The following SCP2 variants were observed in gnomAD, a reference collection of about 807,000 sequenced individuals.
SCP2 encodes the protein sterol carrier protein 2.
A neutral mutation model predicts 71.4 loss-of-function variants in SCP2; 48 were observed. The ratio of observed to expected loss-of-function variants is 0.67; its 90% CI spans 0.53 to 0.86. The LOEUF is 0.86. Ranked by LOEUF, SCP2 falls within the 40% of genes least tolerant of loss-of-function variation. The probability of loss-of-function intolerance (pLI) is 0.00; values close to 1 mark genes in which losing one functional copy is unlikely to be tolerated. For missense variants in SCP2, 560 were observed against 655.6 expected (o/e 0.85, Z 1.59); for synonymous variants, 220 against 218.1 (o/e 1.01, Z -0.08).
At chr1:52,939,660 G>T (rs1654042074) in intron 1 of SCP2, among the ~76,000 whole-genome samples, 1 of 152,136 alleles carries the variant, frequency 6.6e-6, no homozygotes, top group South Asian at 2.1e-4. Flanking sequence ...TATGTGTATT[G>T]TGTGTGCTTT....
chr1:53,035,957 T>C (rs574500812), intron 13 of SCP2, among the ~76,000 whole-genome samples: 2 of 148,964 alleles, frequency 1.3e-5, no homozygotes, highest in Admixed American at 1.3e-4. Flanking sequence ...GAGGCGGAGC[T>C]TGCAGTGAGC....
chr1:53,031,270 T>C (rs1373540099), intron 13 of SCP2, among the ~76,000 whole-genome samples: 3 of 152,254 alleles, frequency 2.0e-5, no homozygotes, highest in Admixed American at 6.5e-5. Context: ...AGTATTCTTT[T>C]AGCTTTGCAA....
chr1:52,989,943 G>A (rs1363811660), intron 11 of SCP2, among the ~76,000 whole-genome samples: 1 of 152,112 alleles, frequency 6.6e-6, no homozygotes, highest in Non-Finnish European at 1.5e-5. Context: ...CTAAACTTGG[G>A]GCTCTGCACA....
intron 6 of SCP2, among the ~76,000 whole-genome samples, chr1:52,970,333 A>G (rs1032621238): frequency 6.6e-6 from 1 of 152,140 alleles, no homozygotes; most frequent in South Asian, 2.1e-4. Context: ...CACCACAGCC[A>G]CAAACCCCTG....
At chr1:53,029,245 A>G (rs1430911179) in intron 13 of SCP2, among the ~76,000 whole-genome samples, 2 of 151,608 alleles carry the variant, frequency 1.3e-5, no homozygotes, top group African/African-American at 4.9e-5. Context: ...TAAACTTAGA[A>G]GAATCTTGGG....
intron 2 of SCP2, among the ~76,000 whole-genome samples, chr1:52,946,731 TA>T (rs1397496955): frequency 6.8e-6 from 1 of 147,788 alleles, no homozygotes; most frequent in African/African-American, 2.5e-5. Context: ...CTTTGTGAAT[TA>T]AAAAAATTTC....
At chr1:52,947,061 G>A (rs12239062) in intron 2 of SCP2, among the ~76,000 whole-genome samples, 2,666 of 76,818 alleles carry the variant, frequency 0.035, 95 homozygotes, top group African/African-American at 0.11. Flanking sequence ...ACTCTGTCTC[G>A]AAAAAAAAAA....
chr1:53,002,787 G>A (rs150072406), intron 11 of SCP2, among the ~76,000 whole-genome samples: 15 of 152,198 alleles, frequency 9.9e-5, no homozygotes, highest in Non-Finnish European at 1.8e-4. Flanking sequence ...AAACTTCTTA[G>A]GTCTTAAGAA....
At chr1:52,950,163 C>A (rs1655163167) in intron 3 of SCP2, among the ~76,000 whole-genome samples, 1 of 151,806 alleles carries the variant, frequency 6.6e-6, no homozygotes, top group Non-Finnish European at 1.5e-5. Flanking sequence ...TCTCTGTCGC[C>A]CAGGCTGGAG....
chr1:52,950,753 A>G lies in SCP2; in HGVS notation c.200-2A>G, dbSNP rs1655214719. On this transcript the variant is annotated splice_acceptor_variant, in intron 3 of 15. Transcript: ENST00000371514. LOFTEE classifies it high-confidence loss of function. ...TATTAAAATTTTTGTTTTTCTATTC[A>G]GGTGACTCTACCTGTGGGCAGAGGG... 4 of 1,613,312 alleles carry G rather than the reference A, an allele frequency of 2.5e-6. No individual in the cohort carries two copies. The highest frequency in any genetic ancestry group is 3.4e-6 in the Non-Finnish European group (4 of 1,179,358).
At chr1:53,042,002 G>A (rs780703041) in intron 14 of SCP2, among the ~76,000 whole-genome samples, 1 of 152,178 alleles carries the variant, frequency 6.6e-6, no homozygotes, top group Middle Eastern at 3.2e-3. Context: ...GTGCACGGTT[G>A]AATAAGGGAT....
intron 13 of SCP2, among the ~76,000 whole-genome samples, chr1:53,034,090 C>T (rs1335751340): frequency 6.6e-6 from 1 of 151,992 alleles, no homozygotes; most frequent in African/African-American, 2.4e-5. Context: ...ATGGTAAAAC[C>T]CCATCTCTAC....
chr1:52,968,381 C>T (rs1054878986), intron 6 of SCP2, among the ~76,000 whole-genome samples: 8 of 151,442 alleles, frequency 5.3e-5, no homozygotes, highest in South Asian at 2.1e-4. Flanking sequence ...TATTCTTTAC[C>T]CTCATTCATT....
rs1033094856 is a variant in SCP2 at position 52,980,486 on chromosome 1, G to A, written c.916G>A (p.Asp306Asn). Residue 306 changes from aspartate (D) to asparagine (N), a missense_variant, in exon 10 of 16, where the codon GAT becomes AAT. Physicochemically the swap from Asp to Asn is conservative, Grantham distance 23 (BLOSUM62 1). Coordinates refer to ENST00000371514, the MANE Select transcript of SCP2 (RefSeq NM_002979.5). Reference protein sequence around the residue: ...PNDIDVIELHDCFSTNELLTY... With the variant: ...PNDIDVIELHNCFSTNELLTY... ...TGATATTGACGTAATAGAACTTCAC[G>A]ATTGCTTTTCTACCAACGAACTCCT... The A allele has an allele frequency of 1.1e-5, 17 of 1,613,974 alleles. No individual in the cohort carries two copies. Among genetic ancestry groups the A allele is most frequent in the Admixed American group, 1.7e-5 (1 of 60,016 alleles).
chr1:52,961,323 A>G (rs1481486060), intron 5 of SCP2, among the ~76,000 whole-genome samples, 180 bp from the exon 6 acceptor site: 1 of 151,042 alleles, frequency 6.6e-6, no homozygotes, highest in African/African-American at 2.4e-5. Flanking sequence ...TGGTCACTTG[A>G]TTATTTTTTC....
chr1:53,036,445 C>T (rs1231833555), intron 13 of SCP2, among the ~76,000 whole-genome samples: 1 of 150,006 alleles, frequency 6.7e-6, no homozygotes, highest in Non-Finnish European at 1.5e-5. Flanking sequence ...TAATTAAGAA[C>T]ACCAAATCTA....
At chr1:53,002,845 C>T (rs370293805) in intron 11 of SCP2, among the ~76,000 whole-genome samples, 2 of 152,124 alleles carry the variant, frequency 1.3e-5, no homozygotes, top group Admixed American at 6.5e-5. Flanking sequence ...ACCAAGGGAC[C>T]GAGCATTTTC....
At chr1:53,013,412 C>G (rs868402866) in intron 11 of SCP2, among the ~76,000 whole-genome samples, 1 of 144,446 alleles carries the variant, frequency 6.9e-6, no homozygotes, top group Middle Eastern at 3.6e-3. Flanking sequence ...AGTGAAACCC[C>G]GTCTCTACTA....
chr1:52,979,973 C>CT (rs1557581941), intron 9 of SCP2, among the ~76,000 whole-genome samples: 1 of 137,084 alleles, frequency 7.3e-6, no homozygotes, highest in Non-Finnish European at 1.6e-5. Flanking sequence ...TTCTTCTCTT[C>CT]TTTTTTTGTT....
Sources: allele counts gnomAD v4.1 joint callset (sites outside exome capture counted in the v4.1 genomes callset), GRCh38; gene constraint gnomAD v4.1.1; transcripts MANE v1.5; gene names NCBI Gene and HGNC (gene_info 2026-07-23, HGNC 2026-07-21).